SPOCK1: variants seen among roughly 807,000 people sequenced by gnomAD.
SPOCK1 encodes testican-1.
A neutral mutation model predicts 55.3 loss-of-function variants in SPOCK1; 23 were observed. The ratio of observed to expected loss-of-function variants is 0.42; its 90% CI spans 0.30 to 0.59. The LOEUF (loss-of-function observed/expected upper bound fraction) is 0.59. Ranked by LOEUF, SPOCK1 falls within the 20% of genes least tolerant of loss-of-function variation. SPOCK1 has a pLI of 0.22. For synonymous variants in SPOCK1, 226 were observed against 221.0 expected, an observed-to-expected ratio of 1.02 and a Z score of -0.20; for missense variants, 499 against 552.5, an observed-to-expected ratio of 0.90 and a Z score of 0.97.
chr5:137,239,170 A>G (rs568302135), intron 3 of SPOCK1, among the ~76,000 whole-genome samples: 23 of 152,318 alleles, frequency 1.5e-4, no homozygotes, highest in African/African-American at 5.5e-4. Context: ...ATGACCATTA[A>G]TTTGGTCAAC....
At chr5:137,454,488 C>A (rs1196658408) in intron 2 of SPOCK1, among the ~76,000 whole-genome samples, 1 of 152,128 alleles carries the variant, frequency 6.6e-6, no homozygotes, top group African/African-American at 2.4e-5. Flanking sequence ...TAAATCCATA[C>A]AAGTCCCTCA....
chr5:137,359,831 C>T (rs1043945590), intron 2 of SPOCK1, among the ~76,000 whole-genome samples: 3 of 152,144 alleles, frequency 2.0e-5, no homozygotes, highest in Non-Finnish European at 4.4e-5. Context: ...TAGCGTGGAG[C>T]TTTCTCTACA....
intron 2 of SPOCK1, among the ~76,000 whole-genome samples, chr5:137,329,586 C>G (rs1486813955): frequency 6.6e-6 from 1 of 152,036 alleles, no homozygotes; most frequent in Non-Finnish European, 1.5e-5. Context: ...AATGTCCAAC[C>G]TAAAAAAGCA....
intron 2 of SPOCK1, among the ~76,000 whole-genome samples, chr5:137,363,072 A>G (rs1009943949): frequency 2.0e-5 from 3 of 152,204 alleles, no homozygotes; most frequent in Non-Finnish European, 4.4e-5. Flanking sequence ...TCACCACATG[A>G]ACACGTACGG....
chr5:137,101,959 T>G (rs116523080), intron 5 of SPOCK1, among the ~76,000 whole-genome samples: 145 of 152,358 alleles, frequency 9.5e-4, no homozygotes, highest in African/African-American at 3.4e-3. Flanking sequence ...TTGCCTTGCA[T>G]GCCCCTCTAT....
At chr5:137,000,774 T>A (rs1751134803) in intron 6 of SPOCK1, among the ~76,000 whole-genome samples, 1 of 152,188 alleles carries the variant, frequency 6.6e-6, no homozygotes, top group South Asian at 2.1e-4. Context: ...CTGGGCATGG[T>A]GGCTCATGCC....
At chr5:137,328,929 C>T (rs535775596) in intron 2 of SPOCK1, among the ~76,000 whole-genome samples, 95 of 152,310 alleles carry the variant, frequency 6.2e-4, no homozygotes, top group African/African-American at 2.2e-3. Context: ...GGCACACTTT[C>T]ACCACCCCGC....
intron 3 of SPOCK1, among the ~76,000 whole-genome samples, chr5:137,172,267 C>T (rs1471956176): frequency 2.6e-5 from 4 of 152,136 alleles, no homozygotes; most frequent in Admixed American, 1.3e-4. Context: ...TATATGAAAA[C>T]GCCAGTACTT....
intron 6 of SPOCK1, among the ~76,000 whole-genome samples, chr5:137,057,945 G>GC (rs1216180508): frequency 6.6e-6 from 1 of 152,174 alleles, no homozygotes; most frequent in African/African-American, 2.4e-5. Context: ...TGAACAATGA[G>GC]CCCATGCCAG....
At chr5:136,978,940 C>G (rs1750671613) in intron 10 of SPOCK1, 96 bp from the exon 11 acceptor site, 1 of 1,323,466 alleles carries the variant, frequency 7.6e-7, no homozygotes, top group East Asian at 2.4e-5. Flanking sequence ...TAAAACCAAG[C>G]AGTTTACTTT....
At chr5:137,108,936 T>G (rs1232938875) in intron 5 of SPOCK1, among the ~76,000 whole-genome samples, 1 of 152,164 alleles carries the variant, frequency 6.6e-6, no homozygotes, top group Non-Finnish European at 1.5e-5. Context: ...ACCAAGAGGC[T>G]TTGACCAGCA....
chr5:137,150,607 C>T (rs1351458586), intron 3 of SPOCK1, among the ~76,000 whole-genome samples: 1 of 151,924 alleles, frequency 6.6e-6, no homozygotes, highest in African/African-American at 2.4e-5. Flanking sequence ...ATTGTTGATC[C>T]AAGCAGACAA....
intron 2 of SPOCK1, among the ~76,000 whole-genome samples, chr5:137,401,809 GC>G (rs1751987928): frequency 6.6e-6 from 1 of 152,028 alleles, no homozygotes; most frequent in Admixed American, 6.5e-5. Flanking sequence ...CACACAGCTT[GC>G]ACCAAGGAAA....
At chr5:137,180,624 G>A (rs560724348) in intron 3 of SPOCK1, among the ~76,000 whole-genome samples, 9 of 152,186 alleles carry the variant, frequency 5.9e-5, no homozygotes, top group Admixed American at 1.3e-4. Flanking sequence ...GGACAGTTCC[G>A]TTCACCACCC....
chr5:137,216,611 T>C (rs1755721503), intron 3 of SPOCK1, among the ~76,000 whole-genome samples: 2 of 152,034 alleles, frequency 1.3e-5, no homozygotes, highest in African/African-American at 2.4e-5. Flanking sequence ...CTCAGGAGCC[T>C]GAGGTAGGGG....
chr5:137,369,793 G>A (rs1751158003), intron 2 of SPOCK1, among the ~76,000 whole-genome samples: 1 of 152,126 alleles, frequency 6.6e-6, no homozygotes. Flanking sequence ...GAGAGAGAGA[G>A]GAAGCAAGGT....
intron 2 of SPOCK1, among the ~76,000 whole-genome samples, chr5:137,385,712 G>C (rs1275233285): frequency 6.6e-6 from 1 of 152,138 alleles, no homozygotes; most frequent in Non-Finnish European, 1.5e-5. Context: ...CATCTCCTAG[G>C]AGTGAACACC....
At chr5:137,351,315 G>A (rs1750674602) in intron 2 of SPOCK1, among the ~76,000 whole-genome samples, 1 of 152,232 alleles carries the variant, frequency 6.6e-6, no homozygotes, top group Non-Finnish European at 1.5e-5. Context: ...TGGCCACTCA[G>A]GCTCCTCGTT....
At chr5:137,314,501 C>T (rs1757842600) in intron 2 of SPOCK1, among the ~76,000 whole-genome samples, 1 of 152,152 alleles carries the variant, frequency 6.6e-6, no homozygotes, top group South Asian at 2.1e-4. Flanking sequence ...TCTCATTTTC[C>T]TCACCTGTAC....
Sources: gnomAD v4.1 joint callset for allele counts (sites outside exome capture counted in the v4.1 genomes callset) on GRCh38, gnomAD v4.1.1 for gene constraint, MANE v1.5 for transcripts, NCBI Gene and HGNC (gene_info 2026-07-23, HGNC 2026-07-21) for gene names.